The following DCDC2C variants were observed in gnomAD, a reference collection of about 807,000 sequenced individuals.
DCDC2C encodes the protein doublecortin domain-containing protein 2C.
In DCDC2C, 44 loss-of-function variants were observed where a neutral mutation model predicts 45.0. That is an observed-to-expected ratio of 0.98 (90% CI 0.77 to 1.26). The LOEUF (loss-of-function observed/expected upper bound fraction) is 1.26, where lower values mean the gene tolerates loss of function less well. Among genes scored for constraint, DCDC2C ranks in the 50% most tolerant of loss-of-function variants. The pLI is 0.00. For synonymous variants in DCDC2C, 187 were observed against 178.8 expected, an observed-to-expected ratio of 1.05 and a Z score of -0.37; for missense variants, 447 against 468.9, an observed-to-expected ratio of 0.95 and a Z score of 0.43.
intron 10 of DCDC2C, among the ~76,000 whole-genome samples, chr2:3,829,455 A>G (rs1671903099): frequency 6.6e-6 from 1 of 152,112 alleles, no homozygotes; most frequent in Admixed American, 6.5e-5. Context: ...CAGGCAGGGC[A>G]GGCCCTCGTG....
At chr2:3,706,707 C>T (rs1227106043) in intron 1 of DCDC2C, among the ~76,000 whole-genome samples, 1 of 152,208 alleles carries the variant, frequency 6.6e-6, no homozygotes, top group African/African-American at 2.4e-5. Context: ...CAGCCTTTTC[C>T]TCTCATCTCC....
chr2:3,817,873 A>C (rs1303202089), intron 10 of DCDC2C, among the ~76,000 whole-genome samples: 6 of 152,158 alleles, frequency 3.9e-5, no homozygotes, highest in Non-Finnish European at 7.3e-5. Flanking sequence ...ATAATGGTTT[A>C]GTCAGGGTGA....
At chr2:3,780,063 A>G (rs1670469067) in intron 9 of DCDC2C, among the ~76,000 whole-genome samples, 1 of 152,240 alleles carries the variant, frequency 6.6e-6, no homozygotes, top group Admixed American at 6.5e-5. Flanking sequence ...AATTGTGGAA[A>G]GGTATCCTGT....
At chr2:3,817,481 A>G (rs1671583647) in intron 10 of DCDC2C, among the ~76,000 whole-genome samples, 1 of 152,156 alleles carries the variant, frequency 6.6e-6, no homozygotes, top group Non-Finnish European at 1.5e-5. Context: ...GGGGCAGAAA[A>G]TATATGCATC....
chr2:3,816,733 T>C (rs1265810844), intron 10 of DCDC2C, among the ~76,000 whole-genome samples: 2 of 152,154 alleles, frequency 1.3e-5, no homozygotes, highest in Admixed American at 1.3e-4. Flanking sequence ...CAGTTTGAGG[T>C]ATTTTAGTTT....
chr2:3,786,252 G>A lies in DCDC2C; in HGVS notation c.1065+1152G>A, dbSNP rs113947683. Among the ~76,000 whole-genome samples the A allele has an allele frequency of 9.4e-3, 1,424 of 151,562 alleles. 18 individuals carry two copies. Among genetic ancestry groups the A allele is most frequent in the African/African-American group, 0.033 (1,361 of 41,228 alleles). Reference sequence around the variant, plus strand: ...GTGTGGGTGTGTCCCGCCTGTGCACGGAACCTCTGATGTGGATGTTTCCCG... The same window carrying A: ...GTGTGGGTGTGTCCCGCCTGTGCACAGAACCTCTGATGTGGATGTTTCCCG... On this transcript the variant is annotated intron_variant, in intron 10 of 10. Transcript: ENST00000399143.
chr2:3,757,552 C>T (rs1669754550), intron 6 of DCDC2C, among the ~76,000 whole-genome samples: 1 of 152,144 alleles, frequency 6.6e-6, no homozygotes, highest in African/African-American at 2.4e-5. Context: ...TTGTGACCCA[C>T]AGGATATCAG....
At chr2:3,835,600 T>C (rs546897473) in intron 10 of DCDC2C, among the ~76,000 whole-genome samples, 1 of 152,334 alleles carries the variant, frequency 6.6e-6, no homozygotes, top group East Asian at 1.9e-4. Flanking sequence ...GAGTTTCTAC[T>C]TGGTGAAAGG....
chr2:3,746,126 T>G (rs1032284727), intron 4 of DCDC2C, among the ~76,000 whole-genome samples: 3 of 152,088 alleles, frequency 2.0e-5, no homozygotes, highest in African/African-American at 7.2e-5. Flanking sequence ...AGCAGAGCAG[T>G]CTCGGTCCTC....
At chr2:3,836,841 G>T (rs890813515) in intron 10 of DCDC2C, among the ~76,000 whole-genome samples, 2 of 133,402 alleles carry the variant, frequency 1.5e-5, no homozygotes, top group Admixed American at 8.0e-5. Flanking sequence ...CAGCCTGGGC[G>T]ACAGAGCGAG....
At chr2:3,716,618 A>G (rs538215356) in intron 2 of DCDC2C, among the ~76,000 whole-genome samples, 15 of 152,332 alleles carry the variant, frequency 9.8e-5, no homozygotes, top group African/African-American at 3.6e-4. Context: ...AAGAAGTGAC[A>G]TCATGTACGT....
intron 10 of DCDC2C, among the ~76,000 whole-genome samples, chr2:3,824,372 T>C (rs1213724581): frequency 6.6e-6 from 1 of 152,198 alleles, no homozygotes; most frequent in African/African-American, 2.4e-5. Flanking sequence ...ATTGCAGACA[T>C]AGACAAATCT....
chr2:3,767,456 C>T (rs1473731986), intron 6 of DCDC2C, among the ~76,000 whole-genome samples: 1 of 152,188 alleles, frequency 6.6e-6, no homozygotes, highest in Admixed American at 6.5e-5. Context: ...CTAAAGCAAG[C>T]CCTTATTTTG....
intron 10 of DCDC2C, among the ~76,000 whole-genome samples, chr2:3,821,079 G>A (rs368986799): frequency 6.6e-6 from 1 of 152,140 alleles, no homozygotes; most frequent in African/African-American, 2.4e-5. Context: ...GGATGGGGCC[G>A]TTTTATAGGA....
rs140705290 is a variant in DCDC2C, at chr2:3,792,926, T to C, written c.1065+7826T>C. On this transcript the variant is annotated intron_variant, in intron 10 of 10. Transcript: ENST00000399143. ...TATCTTCAGGGAACCTGGCAGCTTT[T>C]CCCCAAGACAAAGCCAATGTGAGAA... is the stretch of plus-strand genomic sequence containing the variant. Among the ~76,000 whole-genome samples the C allele has an allele frequency of 7.4e-3, 1,123 of 152,304 alleles. 21 individuals carry two copies. The highest frequency in any genetic ancestry group is 0.026 in the African/African-American group (1,062 of 41,556).
rs574389125 is a variant in DCDC2C at position 3,769,421 on chromosome 2, C to T, written c.954+10C>T. On this transcript the variant is annotated intron_variant, in intron 8 of 10. Transcript: ENST00000399143. ...GGTGCCTGTGGACCAGGTGGGTGTC[C>T]GGGGTCCGATGTCCATGCCGTCTTC... 6.5e-6 allele frequency: 10 copies of T among 1,549,502 alleles called. No homozygotes were observed. The highest frequency in any genetic ancestry group is 1.4e-5 in the African/African-American group (1 of 73,150).
intron 6 of DCDC2C, among the ~76,000 whole-genome samples, chr2:3,755,161 G>A (rs1470713215): frequency 1.3e-5 from 2 of 152,204 alleles, no homozygotes; most frequent in Non-Finnish European, 2.9e-5. Flanking sequence ...ATGGATGCAT[G>A]TGTATGTATG....
intron 10 of DCDC2C, among the ~76,000 whole-genome samples, chr2:3,846,520 A>AGT (rs1479755920): frequency 6.6e-6 from 1 of 152,162 alleles, no homozygotes; most frequent in East Asian, 1.9e-4. Flanking sequence ...TATCTTCCTT[A>AGT]GTATAGAATT....
At chr2:3,773,979 C>G (rs1176030852) in intron 8 of DCDC2C, among the ~76,000 whole-genome samples, 1 of 152,224 alleles carries the variant, frequency 6.6e-6, no homozygotes, top group African/African-American at 2.4e-5. Flanking sequence ...CTTGGATTCT[C>G]AAATAGCAAC....
Sources: allele counts gnomAD v4.1 joint callset (sites outside exome capture counted in the v4.1 genomes callset), GRCh38; gene constraint gnomAD v4.1.1; transcripts MANE v1.5; gene names NCBI Gene and HGNC (gene_info 2026-07-23, HGNC 2026-07-21).